Variants in AKAP13 observed in about 807,000 individuals in gnomAD.
AKAP13 encodes A-kinase anchor protein 13.
Under a neutral mutation model 264.5 loss-of-function variants are expected in AKAP13, and 80 were observed. The ratio of observed to expected loss-of-function variants is 0.30; its 90% CI spans 0.25 to 0.36. The LOEUF (loss-of-function observed/expected upper bound fraction) is 0.36. Ranked by LOEUF, AKAP13 falls within the 10% of genes least tolerant of loss-of-function variation. The pLI, the probability that AKAP13 is intolerant of heterozygous loss-of-function variation, is 1.00. For missense variants in AKAP13, 3,712 were observed against 3,435.2 expected (o/e 1.08, Z -2.01); for synonymous variants, 1,380 against 1,250.2 (o/e 1.10, Z -2.19).
At chr15:85,659,141 G>C (rs941456873) in intron 12 of AKAP13, among the ~76,000 whole-genome samples, 2 of 152,184 alleles carry the variant, frequency 1.3e-5, no homozygotes, top group African/African-American at 4.8e-5. Flanking sequence ...CTTGGCCTTT[G>C]AATTCCTTAA....
intron 1 of AKAP13, among the ~76,000 whole-genome samples, chr15:85,478,333 A>C (rs770784903): frequency 2.2e-5 from 3 of 135,460 alleles, no homozygotes; most frequent in Non-Finnish European, 4.9e-5. Context: ...ATTATAGTGT[A>C]CTCTCCTACA....
At chr15:85,470,624 C>G (rs969506756) in intron 1 of AKAP13, among the ~76,000 whole-genome samples, 1 of 152,122 alleles carries the variant, frequency 6.6e-6, no homozygotes, top group African/African-American at 2.4e-5. Flanking sequence ...TAGCTTTTCC[C>G]TTTCCAAAAT....
Position 85,708,727 on chromosome 15 carries a change from TGTAA to T in AKAP13, c.5532+644_5532+647del, listed in dbSNP as rs146236354. 0.022 allele frequency among the ~76,000 whole-genome samples: 3,302 copies of T among 152,330 alleles called. 60 individuals carry two copies. Among genetic ancestry groups the T allele is most frequent in the Middle Eastern group, 0.048 (14 of 294 alleles). Reference sequence around the variant, plus strand: ...TGAGGTTTTCAATGTTCTAGTCGCCTGTAAGTGTCTCTTCATTCCTTGTCAAAGG... The same window carrying T: ...TGAGGTTTTCAATGTTCTAGTCGCCTGTGTCTCTTCATTCCTTGTCAAAGG... On this transcript the variant is annotated intron_variant, in intron 18 of 36. Transcript: ENST00000394518. The surrounding 1 kb of genome is among the most constrained non-coding windows in gnomAD (Gnocchi z 4.3).
chr15:85,400,971 C>T (rs1174738733), intron 1 of AKAP13, among the ~76,000 whole-genome samples: 1 of 151,856 alleles, frequency 6.6e-6, no homozygotes, highest in African/African-American at 2.4e-5. Flanking sequence ...AAGCGATTCT[C>T]CTGCCTCAAC....
chr15:85,674,381 A>G (rs1169167360), intron 14 of AKAP13, among the ~76,000 whole-genome samples: 1 of 152,228 alleles, frequency 6.6e-6, no homozygotes, highest in East Asian at 1.9e-4. Context: ...AATGAATTTC[A>G]TGTTCAGATG....
intron 8 of AKAP13, among the ~76,000 whole-genome samples, chr15:85,618,625 G>C (rs901544740): frequency 2.0e-5 from 3 of 152,086 alleles, no homozygotes; most frequent in Admixed American, 6.6e-5. Flanking sequence ...TAGATAGAGT[G>C]GGGGGCTAGA....
intron 4 of AKAP13, among the ~76,000 whole-genome samples, chr15:85,538,551 G>A (rs2077478343): frequency 2.0e-5 from 3 of 148,166 alleles, no homozygotes; most frequent in African/African-American, 7.5e-5. Context: ...GTGCAGTGGT[G>A]TGATCTCAGC....
At chr15:85,573,710 C>T (rs2078906102) in intron 5 of AKAP13, among the ~76,000 whole-genome samples, 1 of 152,058 alleles carries the variant, frequency 6.6e-6, no homozygotes, top group Admixed American at 6.5e-5. Context: ...GGCACCTTAT[C>T]AGAATGCTGT....
chr15:85,748,372 T>G lies in AKAP13; in HGVS notation c.*3695T>G, dbSNP rs1162804076. 6.6e-6 allele frequency: 1 copy of G among 152,344 alleles called. No individual in the cohort carries two copies. The highest frequency in any genetic ancestry group is 1.9e-4 in the East Asian group (1 of 5,186). 9.4% of individuals were successfully genotyped at this position (152,344 alleles called of 1,614,324 possible). Reference sequence around the variant, plus strand: ...GAATGTGGGAGCCTAGAAATAACCCTGTGGATGGAATTGGGGCAGCGGCTG... The same window carrying G: ...GAATGTGGGAGCCTAGAAATAACCCGGTGGATGGAATTGGGGCAGCGGCTG... On this transcript the variant is annotated 3_prime_UTR_variant, in exon 37 of 37. Coordinates refer to ENST00000394518, the MANE Select transcript of AKAP13 (RefSeq NM_007200.5).
chr15:85,656,816 G>A (rs905729828), intron 11 of AKAP13, among the ~76,000 whole-genome samples: 5 of 152,150 alleles, frequency 3.3e-5, no homozygotes, highest in African/African-American at 4.8e-5. Context: ...TAAAGAATGA[G>A]TATGGTAGTG....
chr15:85,517,718 A>G (rs2076658758), intron 2 of AKAP13, among the ~76,000 whole-genome samples: 1 of 152,134 alleles, frequency 6.6e-6, no homozygotes, highest in African/African-American at 2.4e-5. Context: ...GATATTTTAG[A>G]ACACAGTTTA....
In AKAP13 at chr15:85,684,750, A is replaced by G. The variant is rs761565486; in HGVS notation, c.5166A>G (p.Glu1722=). 2 of 1,612,106 alleles carry G rather than the reference A, an allele frequency of 1.2e-6. No individual in the cohort carries two copies. Among genetic ancestry groups the G allele is most frequent in the Non-Finnish European group, 1.7e-6 (2 of 1,179,624 alleles). ...TCTTGTTTTTATTTAGTATAACAGA[A>G]GAGAACTATAATTTCCTGCCACATA... ...TSANLTESIT[E]ENYNFLPHSP... is the part of the protein sequence containing the mutation. Residue 1722 remains glutamate, a synonymous_variant, in exon 16 of 37, where the codon GAA becomes GAG. Coordinates refer to ENST00000394518, the MANE Select transcript of AKAP13 (RefSeq NM_007200.5).
intron 30 of AKAP13, among the ~76,000 whole-genome samples, chr15:85,733,051 G>A (rs1027297132): frequency 6.6e-6 from 1 of 152,130 alleles, no homozygotes; most frequent in South Asian, 2.1e-4. Context: ...TGTTCTGTAA[G>A]TGAACATACT....
At chr15:85,590,514 C>T (rs1314262518) in intron 8 of AKAP13, among the ~76,000 whole-genome samples, 2 of 152,146 alleles carry the variant, frequency 1.3e-5, no homozygotes, top group Non-Finnish European at 2.9e-5. Context: ...TGCTGAAAAT[C>T]ATAGTTCATG....
At chr15:85,667,637 G>C (rs954685353) in intron 13 of AKAP13, among the ~76,000 whole-genome samples, 2 of 152,182 alleles carry the variant, frequency 1.3e-5, no homozygotes, top group African/African-American at 4.8e-5. Context: ...GGCCAAGACT[G>C]ACATATCCCT....
chr15:85,715,813 G>A lies in AKAP13; in HGVS notation c.5625G>A (p.Arg1875=), dbSNP rs1195853065. 6.2e-7 allele frequency: 1 copy of A among 1,612,194 alleles called. No homozygotes were observed. The highest frequency in any genetic ancestry group is 1.3e-5 in the African/African-American group (1 of 74,586). Residue 1875 remains arginine (R), a synonymous_variant, in exon 20 of 37, where the codon CGG becomes CGA. Coordinates refer to ENST00000394518, the MANE Select transcript of AKAP13 (RefSeq NM_007200.5). ...NKPSQPKERP[R]SAVLLVDETA... is the part of the protein sequence containing the mutation. ...CCTCACAGCCCAAGGAGCGTCCTCG[G>A]TCCGCAGTCCTCCTGGTGGATGAAA...
chr15:85,613,269 G>T (rs908283027), intron 8 of AKAP13, among the ~76,000 whole-genome samples: 6 of 152,282 alleles, frequency 3.9e-5, no homozygotes, highest in Admixed American at 3.3e-4. Context: ...CATACATTTA[G>T]TATGTATTAA....
chr15:85,630,406 T>C (rs539017975), intron 8 of AKAP13, among the ~76,000 whole-genome samples: 1 of 152,338 alleles, frequency 6.6e-6, no homozygotes, highest in South Asian at 2.1e-4. Context: ...CATTCCCATC[T>C]CTATTAATTA....
chr15:85,645,920 C>A lies in AKAP13; in HGVS notation c.4340C>A (p.Pro1447His), dbSNP rs748176498. The change falls in exon 10 of 37, where the codon CCC becomes CAC. Residue 1447 changes from proline to histidine, a missense_variant. By Grantham distance (77) the Pro-to-His change is moderately conservative (BLOSUM62 -2). Coordinates refer to ENST00000394518, the MANE Select transcript of AKAP13 (RefSeq NM_007200.5). ...SGSDSDLFHS[P>H]SDDMDSIIFP... ...AGTGATTCTGACCTCTTTCACTCAC[C>A]CAGTGATGACATGGACAGCATCATC... is the stretch of plus-strand genomic sequence containing the variant. The A allele has an allele frequency of 6.2e-7, 1 of 1,613,292 alleles. No homozygotes were observed. The highest frequency in any genetic ancestry group is 1.7e-5 in the Admixed American group (1 of 59,934).
Sources: allele counts gnomAD v4.1 joint callset (sites outside exome capture counted in the v4.1 genomes callset), GRCh38; gene constraint gnomAD v4.1.1; non-coding constraint Gnocchi (gnomAD v3.1); transcripts MANE v1.5; gene names NCBI Gene and HGNC (gene_info 2026-07-23, HGNC 2026-07-21).